ST8SIA2: variants seen among roughly 807,000 people sequenced by gnomAD.
ST8SIA2 encodes alpha-2,8-sialyltransferase 8B.
ST8SIA2 carries 22 observed loss-of-function variants against 37.6 expected under a neutral mutation model. The observed-to-expected ratio is 0.58, with a 90% CI of 0.42 to 0.83. The LOEUF (loss-of-function observed/expected upper bound fraction) is 0.83, where lower values mean the gene tolerates loss of function less well. Among genes scored for constraint, ST8SIA2 ranks in the 40% least tolerant of loss-of-function variants. ST8SIA2 has a pLI of 0.00. For synonymous variants in ST8SIA2, 205 were observed against 201.2 expected, an observed-to-expected ratio of 1.02 and a Z score of -0.16; for missense variants, 382 against 484.7, an observed-to-expected ratio of 0.79 and a Z score of 1.99.
intron 1 of ST8SIA2, among the ~76,000 whole-genome samples, chr15:92,429,072 G>C (rs3825985): frequency 1.3e-5 from 2 of 151,894 alleles, no homozygotes; most frequent in Non-Finnish European, 2.9e-5. Flanking sequence ...TAATGACAAG[G>C]TTCCTTTCAA....
chr15:92,438,027 G>A (rs543792106), intron 3 of ST8SIA2, among the ~76,000 whole-genome samples: 1 of 152,182 alleles, frequency 6.6e-6, no homozygotes, highest in African/African-American at 2.4e-5. Context: ...AAACTGGGGT[G>A]GTGGGCCACC....
At position 92,462,144 on chromosome 15, in the gene ST8SIA2, C is replaced by T. The variant is rs529761765; in HGVS notation, c.843-1956C>T. Among the ~76,000 whole-genome samples the T allele has an allele frequency of 5.3e-5, 8 of 152,316 alleles. No individual in the cohort carries two copies. In the South Asian group the frequency reaches 1.0e-3, roughly 20 times the overall value. ...CTGTCGTGCCCGGGAGAATCGTGTT[C>T]ACTCCGATTCTGGCCACCTAGGACC... On this transcript the variant is annotated intron_variant, in intron 5 of 5. Transcript: ENST00000268164.
intron 5 of ST8SIA2, among the ~76,000 whole-genome samples, chr15:92,463,146 G>A (rs1010900453): frequency 1.2e-4 from 19 of 152,210 alleles, no homozygotes; most frequent in Admixed American, 6.5e-5. Context: ...TCCCCCCTCT[G>A]AGCATGTTTC....
intron 5 of ST8SIA2, among the ~76,000 whole-genome samples, chr15:92,454,292 T>A (rs994802855): frequency 2.0e-5 from 3 of 152,140 alleles, no homozygotes; most frequent in East Asian, 3.9e-4. Flanking sequence ...CATGGCCTTC[T>A]ACCTGTATGC....
At chr15:92,449,856 G>C (rs560262460) in intron 5 of ST8SIA2, among the ~76,000 whole-genome samples, 179 of 152,178 alleles carry the variant, frequency 1.2e-3, no homozygotes, top group Non-Finnish European at 2.3e-3. Context: ...GTTGTCTTTT[G>C]CTTGTTGAGT....
intron 1 of ST8SIA2, among the ~76,000 whole-genome samples, chr15:92,396,470 G>GTTTTTT (rs111488508): frequency 4.2e-5 from 6 of 143,656 alleles, no homozygotes; most frequent in Admixed American, 1.4e-4. Flanking sequence ...GTTTGTTTTT[G>GTTTTTT]TTTTTTTTTT....
chr15:92,445,361 G>A (rs2049834678), intron 5 of ST8SIA2, among the ~76,000 whole-genome samples: 1 of 152,118 alleles, frequency 6.6e-6, no homozygotes, highest in African/African-American at 2.4e-5. Context: ...GCCTCTTCAG[G>A]GAAATATGAG....
In ST8SIA2 at chr15:92,393,966, C is replaced by A; in HGVS notation, c.-99C>A. Reference sequence around the variant, plus strand: ...TCCGGAGCGCAGGGTGTCTGCCCAGCTGCGCGCGGCGCGCGGAGGCTCCGG... The same window carrying A: ...TCCGGAGCGCAGGGTGTCTGCCCAGATGCGCGCGGCGCGCGGAGGCTCCGG... On this transcript the variant is annotated 5_prime_UTR_variant, in exon 1 of 6. The change creates a new upstream start codon in the 5' untranslated region. Coordinates refer to ENST00000268164, the MANE Select transcript of ST8SIA2 (RefSeq NM_006011.4). 2 of 740,846 alleles carry A rather than the reference C, an allele frequency of 2.7e-6. No individual in the cohort carries two copies. The highest frequency in any genetic ancestry group is 2.0e-5 in the African/African-American group (1 of 51,068). The allele number at this position is 740,846 out of a possible 1,614,324, so 45.9% of individuals were successfully genotyped here.
Position 92,438,254 on chromosome 15 carries a change from G to A in ST8SIA2, c.291-99G>A. On this transcript the variant is annotated intron_variant, in intron 3 of 5. Transcript: ENST00000268164. ...TCATACTCTGCGTGTTTGCTGGGCT[G>A]CAGCCACCGTGCAGGGCGACCCTGG... 5 of 1,553,432 alleles carry A rather than the reference G, an allele frequency of 3.2e-6. No individual in the cohort carries two copies. In the South Asian group the frequency reaches 4.5e-5, roughly 14 times the overall value.
At chr15:92,429,913 A>T (rs2049702771) in intron 1 of ST8SIA2, 136 bp from the exon 2 acceptor site, 1 of 947,070 alleles carries the variant, frequency 1.1e-6, no homozygotes, top group African/African-American at 1.6e-5. Context: ...GACTTTGCCC[A>T]TTCTGCAGAG....
intron 1 of ST8SIA2, among the ~76,000 whole-genome samples, chr15:92,405,760 G>A (rs1180858222): frequency 6.6e-6 from 1 of 152,160 alleles, no homozygotes; most frequent in African/African-American, 2.4e-5. Flanking sequence ...ACAAGCTGGA[G>A]GTGGCCCAAA....
intron 2 of ST8SIA2, among the ~76,000 whole-genome samples, chr15:92,431,560 G>A (rs933397592): frequency 2.6e-5 from 4 of 151,920 alleles, no homozygotes; most frequent in African/African-American, 9.7e-5. Context: ...TGAAGTTCAG[G>A]AGTCGGGAGG....
In ST8SIA2 at chr15:92,468,485, C is replaced by A. The variant is rs1190206086; in HGVS notation, c.*4100C>A. On this transcript the variant is annotated 3_prime_UTR_variant, in exon 6 of 6. Coordinates refer to ENST00000268164, the MANE Select transcript of ST8SIA2 (RefSeq NM_006011.4). ...CTTCATGAAGCCCTCCCTGATGTAC[C>A]AACCACTGGGATCTCTCCCTCTGCT... The A allele has an allele frequency of 5.2e-5, 8 of 152,734 alleles. 1 individual carries two copies. Among genetic ancestry groups the A allele is most frequent in the African/African-American group, 4.8e-5 (2 of 41,458 alleles). The allele number at this position is 152,734 out of a possible 1,614,324, so 9.5% of individuals were successfully genotyped here. A position where few individuals can be genotyped will look rare whatever the true frequency, so the allele number is the denominator to read the frequency against.
intron 4 of ST8SIA2, among the ~76,000 whole-genome samples, chr15:92,439,859 G>A (rs1005106878): frequency 6.6e-6 from 1 of 152,088 alleles, no homozygotes; most frequent in African/African-American, 2.4e-5. Context: ...AAGGAGTGAC[G>A]GGTGGGTGTT....
chr15:92,412,840 G>A (rs772841617), intron 1 of ST8SIA2, among the ~76,000 whole-genome samples: 1 of 152,106 alleles, frequency 6.6e-6, no homozygotes, highest in East Asian at 1.9e-4. Flanking sequence ...TGTATTTTTA[G>A]TAGGAATGGG....
rs2049827031 is a variant in ST8SIA2, at chr15:92,444,617, T to C, written c.549-19T>C. The C allele has an allele frequency of 1.2e-6, 2 of 1,614,222 alleles. No homozygotes were observed. Among genetic ancestry groups the C allele is most frequent in the Non-Finnish European group, 8.5e-7 (1 of 1,180,044 alleles). The stretch of plus-strand genomic sequence containing the variant: ...TCTCAGCTTTCCCAAAAGGATCATG[T>C]TGCCTTTTTCTCCGGCAGGTGCAAC... On this transcript the variant is annotated intron_variant, in intron 4 of 5. Coordinates refer to ENST00000268164, the MANE Select transcript of ST8SIA2 (RefSeq NM_006011.4).
chr15:92,426,165 C>T (rs2049674315), intron 1 of ST8SIA2, among the ~76,000 whole-genome samples: 1 of 152,046 alleles, frequency 6.6e-6, no homozygotes, highest in Non-Finnish European at 1.5e-5. Flanking sequence ...TGTAAAGCCT[C>T]CCATCTGTGA....
chr15:92,455,450 C>T (rs940737667), intron 5 of ST8SIA2, among the ~76,000 whole-genome samples: 3 of 152,154 alleles, frequency 2.0e-5, no homozygotes, highest in Non-Finnish European at 2.9e-5. Context: ...AACTCCGCTC[C>T]GCACCCCCTG....
chr15:92,425,165 C>A (rs946278424), intron 1 of ST8SIA2, among the ~76,000 whole-genome samples: 3 of 152,194 alleles, frequency 2.0e-5, no homozygotes. Flanking sequence ...AGTTCCCCAT[C>A]GCAAGGAATA....
Sources: gnomAD v4.1 joint callset for allele counts (sites outside exome capture counted in the v4.1 genomes callset) on GRCh38, gnomAD v4.1.1 for gene constraint, MANE v1.5 for transcripts, NCBI Gene and HGNC (gene_info 2026-07-23, HGNC 2026-07-21) for gene names.